AFTPH: variants seen among roughly 807,000 people sequenced by gnomAD.
The protein encoded by AFTPH is aftiphilin, also known as aftiphilin protein.
Under a neutral mutation model 72.5 loss-of-function variants are expected in AFTPH, and 7 were observed. The observed-to-expected ratio is 0.10, with a 90% confidence interval of 0.05 to 0.18. The LOEUF is 0.18. AFTPH is among the 10% of genes least tolerant of loss of function. The pLI is 1.00. For synonymous variants in AFTPH, 337 were observed against 370.1 expected (o/e 0.91, Z 1.03); for missense variants, 979 against 1,060.5 (o/e 0.92, Z 1.07).
intron 2 of AFTPH, among the ~76,000 whole-genome samples, chr2:64,555,989 C>CTTTTTTTTTTTTTTTTTTTTTT (rs774669104): frequency 3.7e-5 from 5 of 134,098 alleles, no homozygotes; most frequent in African/African-American, 1.2e-4. Context: ...GAATTCCTCA[C>CTTTTTTTTTTTTTTTTTTTTTT]TTTTTTTTTT....
exon 2 of AFTPH, chr2:64,551,839 C>T: frequency 1.2e-6 from 2 of 1,613,660 alleles, no homozygotes; most frequent in Non-Finnish European, 1.7e-6. Context: ...GAAATGTTAG[C>T]TACTTCCATT....
At chr2:64,551,307 A>T in intron 1 of AFTPH, 136 bp from the exon 2 acceptor site, 1 of 666,352 alleles carries the variant, frequency 1.5e-6, no homozygotes, top group East Asian at 2.8e-5. Context: ...ATCATGCAGG[A>T]CATGGTCAAG....
chr2:64,585,611 G>A (rs1015640899), intron 8 of AFTPH, 66 bp downstream of exon 9: 1 of 1,525,738 alleles, frequency 6.6e-7, no homozygotes, highest in South Asian at 1.2e-5. Context: ...AAAGGAAAAA[G>A]CATGTCAGTT....
At chr2:64,562,360 G>GA (rs1558616339) in intron 2 of AFTPH, among the ~76,000 whole-genome samples, 1 of 148,878 alleles carries the variant, frequency 6.7e-6, no homozygotes, top group Admixed American at 6.7e-5. Context: ...TTTTTAATCT[G>GA]GTGCACATTA....
At chr2:64,541,987 A>G (rs1042438054) in intron 1 of AFTPH, among the ~76,000 whole-genome samples, 5 of 152,172 alleles carry the variant, frequency 3.3e-5, no homozygotes, top group Non-Finnish European at 7.4e-5. Context: ...TCTTTCTACA[A>G]TATCTTTTCC....
At chr2:64,564,858 G>A (rs1671967909) in intron 2 of AFTPH, among the ~76,000 whole-genome samples, 1 of 140,320 alleles carries the variant, frequency 7.1e-6, no homozygotes, top group Non-Finnish European at 1.5e-5. Flanking sequence ...TTTTTTTTAA[G>A]ACCAAGTCTT....
chr2:64,565,133 C>A (rs1016502390), intron 2 of AFTPH, among the ~76,000 whole-genome samples: 1 of 152,024 alleles, frequency 6.6e-6, no homozygotes, highest in African/African-American at 2.4e-5. Flanking sequence ...GACACTGCAC[C>A]TGGCTGGAAA....
intron 7 of AFTPH, among the ~76,000 whole-genome samples, chr2:64,583,075 GCTT>G (rs765189968): frequency 2.6e-5 from 4 of 152,000 alleles, no homozygotes; most frequent in Admixed American, 1.3e-4. Context: ...ATTTGCTTTG[GCTT>G]CTTTTTATTG....
chr2:64,536,951 C>CAAA (rs70937353), intron 1 of AFTPH, among the ~76,000 whole-genome samples: 228 of 80,580 alleles, frequency 2.8e-3, no homozygotes, highest in Middle Eastern at 0.013. Context: ...GACTCTGTCT[C>CAAA]AAAAAAAAAA....
intron 2 of AFTPH, among the ~76,000 whole-genome samples, chr2:64,564,640 T>TA (rs1558618104): frequency 6.6e-5 from 4 of 61,018 alleles, no homozygotes; most frequent in East Asian, 5.4e-4. Flanking sequence ...AAAAATAAAA[T>TA]AAATAAATGC....
chr2:64,540,521 C>T (rs1020645518), intron 1 of AFTPH, among the ~76,000 whole-genome samples: 4 of 152,112 alleles, frequency 2.6e-5, no homozygotes, highest in African/African-American at 9.6e-5. Context: ...TTAAAATGTT[C>T]GGTAGAAGAA....
rs571082461 is a variant in AFTPH, at chr2:64,556,268, G to A, written c.1935+2859G>A. On this transcript the variant is annotated intron_variant, in intron 2 of 8. Coordinates refer to ENST00000238856, the Ensembl canonical transcript of AFTPH. ...CTCCCAAAGTGCTGGGATTACAGGCGTGAGCCACCGTGCCTAGCCTCCTCA... is the reference window on the plus strand; with the variant it reads ...CTCCCAAAGTGCTGGGATTACAGGCATGAGCCACCGTGCCTAGCCTCCTCA... 2.2e-3 allele frequency among the ~76,000 whole-genome samples: 339 copies of A among 152,276 alleles called. 2 individuals are homozygous for A. The highest frequency in any genetic ancestry group is 3.8e-3 in the Non-Finnish European group (257 of 68,020).
chr2:64,544,381 A>T (rs1415066451), intron 1 of AFTPH, among the ~76,000 whole-genome samples: 1 of 152,214 alleles, frequency 6.6e-6, no homozygotes, highest in African/African-American at 2.4e-5. Flanking sequence ...AGGTCTTAGA[A>T]TAAGTAGACA....
chr2:64,584,776 T>C (rs1673408086), intron 7 of AFTPH, among the ~76,000 whole-genome samples: 4 of 152,118 alleles, frequency 2.6e-5, no homozygotes, highest in Admixed American at 2.0e-4. Context: ...TTTTGTATTT[T>C]TAGTAGAGAC....
chr2:64,578,226 A>C (rs764426845), intron 6 of AFTPH, among the ~76,000 whole-genome samples: 16 of 152,226 alleles, frequency 1.1e-4, no homozygotes, highest in Non-Finnish European at 1.6e-4. Flanking sequence ...CTCCTTTTCT[A>C]TAAAAAACAG....
chr2:64,552,650 T>C, exon 2 of AFTPH: 1 of 1,614,224 alleles, frequency 6.2e-7, no homozygotes, highest in African/African-American at 1.3e-5. Flanking sequence ...AGTTTACTAA[T>C]TTCCAAAGCC....
intron 1 of AFTPH, among the ~76,000 whole-genome samples, chr2:64,539,849 C>T (rs752113477): frequency 2.6e-5 from 4 of 152,044 alleles, no homozygotes; most frequent in Non-Finnish European, 5.9e-5. Context: ...GTTAGGAAGT[C>T]GAGAGAGTGA....
At chr2:64,586,110 T>C (rs1438829669) in intron 8 of AFTPH, among the ~76,000 whole-genome samples, 1 of 152,210 alleles carries the variant, frequency 6.6e-6, no homozygotes, top group African/African-American at 2.4e-5. Flanking sequence ...GGAATGTCAC[T>C]CGGGCCATGT....
intron 1 of AFTPH, among the ~76,000 whole-genome samples, chr2:64,530,018 T>C (rs1347976299): frequency 1.3e-5 from 2 of 152,070 alleles, no homozygotes; most frequent in African/African-American, 4.8e-5. Flanking sequence ...TAGCCAGGCA[T>C]GGTGGCGGCC....
Sources: gnomAD v4.1 joint callset for allele counts (sites outside exome capture counted in the v4.1 genomes callset) on GRCh38, gnomAD v4.1.1 for gene constraint, MANE v1.5 for transcripts, NCBI Gene and HGNC (gene_info 2026-07-23, HGNC 2026-07-21) for gene names.